Variants in KPNA1 observed in about 807,000 individuals in gnomAD.
KPNA1 encodes the protein importin subunit alpha-5.
KPNA1 carries 10 observed loss-of-function variants against 70.5 expected under a neutral mutation model. The ratio of observed to expected loss-of-function variants is 0.14; its 90% CI spans 0.09 to 0.24. The LOEUF (loss-of-function observed/expected upper bound fraction) is 0.24, where lower values mean the gene tolerates loss of function less well. KPNA1 is among the 10% of genes least tolerant of loss of function. The pLI, the probability that KPNA1 is intolerant of heterozygous loss-of-function variation, is 1.00. For synonymous variants in KPNA1, 192 were observed against 221.9 expected (o/e 0.87, Z 1.20); for missense variants, 397 against 637.9 (o/e 0.62, Z 4.07).
intron 2 of KPNA1, chr3:122,482,874 T>C (rs2076587057): frequency 2.6e-5 from 4 of 152,056 alleles, no homozygotes; most frequent in Admixed American, 2.6e-4. Flanking sequence ...CAGTAGCTGG[T>C]AGAGACTGGG....
chr3:122,505,295 A>T (rs987453795), intron 1 of KPNA1, among the ~76,000 whole-genome samples: 1 of 151,210 alleles, frequency 6.6e-6, no homozygotes, highest in Non-Finnish European at 1.5e-5. Context: ...AAAAAAAAAA[A>T]TCCAAGCAAA....
chr3:122,469,853 T>A (rs2107751989), intron 2 of KPNA1, among the ~76,000 whole-genome samples: 1 of 152,280 alleles, frequency 6.6e-6, no homozygotes, highest in East Asian at 1.9e-4. Flanking sequence ...CAGAAGAAAG[T>A]GAAGTGAAAT....
At chr3:122,491,203 T>C (rs1164648257) in intron 2 of KPNA1, among the ~76,000 whole-genome samples, 2 of 152,220 alleles carry the variant, frequency 1.3e-5, no homozygotes, top group East Asian at 1.9e-4. Context: ...TCCAAAATCA[T>C]ACCCAGTCAC....
rs901410041 is a variant in KPNA1 at position 122,424,212 on chromosome 3, T to C, written c.*2773A>G. On this transcript the variant is annotated 3_prime_UTR_variant, in exon 14 of 14. Transcript: ENST00000344337. ...ACAAAGTCACTTTCCCCAATCCATA[T>C]ATAAAACTACAAAAGAGTTTTCCTG... 1.3e-5 allele frequency: 2 copies of C among 152,206 alleles called. No homozygotes were observed. The highest frequency in any genetic ancestry group is 2.9e-5 in the Non-Finnish European group (2 of 68,022). The allele number at this position is 152,206 out of a possible 1,614,324, so 9.4% of individuals were successfully genotyped here.
intron 3 of KPNA1, among the ~76,000 whole-genome samples, chr3:122,465,202 CAGA>C (rs1270487929): frequency 5.3e-5 from 8 of 152,158 alleles, no homozygotes; most frequent in Admixed American, 2.6e-4. Context: ...TCCTCTTCCG[CAGA>C]AGGAGTTAGT....
rs1169127541 is a variant in KPNA1, at chr3:122,457,406, T to A, written c.433-3405A>T. On this transcript the variant is annotated intron_variant, in intron 5 of 13. Transcript: ENST00000344337. ...ATCATTAACCTGGGAAAAAAAAAAA[T>A]CTAAGAAATGGTATTGCCTGAAGTA... Among the ~76,000 whole-genome samples the A allele has an allele frequency of 3.3e-5, 5 of 151,278 alleles. No individual in the cohort carries two copies. In the East Asian group the frequency reaches 7.8e-4, roughly 24 times the overall value.
intron 5 of KPNA1, among the ~76,000 whole-genome samples, chr3:122,456,768 A>T (rs1277690586): frequency 6.6e-6 from 1 of 152,238 alleles, no homozygotes; most frequent in Non-Finnish European, 1.5e-5. Context: ...CAATGATGAT[A>T]ACCTCTCAAT....
chr3:122,499,859 A>G (rs986596310), intron 1 of KPNA1, among the ~76,000 whole-genome samples: 11 of 152,220 alleles, frequency 7.2e-5, no homozygotes, highest in Non-Finnish European at 1.2e-4. Flanking sequence ...TGAGTTGGAA[A>G]GTATTCCCCA....
intron 6 of KPNA1, among the ~76,000 whole-genome samples, chr3:122,452,307 A>G (rs1041465406): frequency 4.0e-5 from 6 of 151,808 alleles, no homozygotes; most frequent in African/African-American, 1.5e-4. Flanking sequence ...TCGCTCTGTC[A>G]CCCAGTATGG....
chr3:122,469,742 C>A (rs2076420915), intron 2 of KPNA1, among the ~76,000 whole-genome samples: 2 of 152,036 alleles, frequency 1.3e-5, no homozygotes, highest in Non-Finnish European at 2.9e-5. Flanking sequence ...CATTTTCAAA[C>A]AACAGAAAAT....
In KPNA1 at chr3:122,506,372, A is replaced by G. The variant is rs529543410; in HGVS notation, c.-6+8385T>C. ...AGTTATGAATTTAAATAAGTGGAGT[A>G]TAAGTATAAAGTGTTCAGTTCATTT... is the stretch of plus-strand genomic sequence containing the variant. On this transcript the variant is annotated intron_variant, in intron 1 of 13. Transcript: ENST00000344337. 1.3e-3 allele frequency among the ~76,000 whole-genome samples: 198 copies of G among 152,364 alleles called. 1 individual carries two copies. Among genetic ancestry groups the G allele is most frequent in the African/African-American group, 4.5e-3 (188 of 41,600 alleles).
intron 2 of KPNA1, among the ~76,000 whole-genome samples, chr3:122,495,409 T>C (rs2076748006): frequency 6.6e-6 from 1 of 152,030 alleles, no homozygotes; most frequent in Non-Finnish European, 1.5e-5. Flanking sequence ...GGTCAAGAAC[T>C]CATAACTTAA....
intron 10 of KPNA1, among the ~76,000 whole-genome samples, chr3:122,439,127 A>C (rs2076029408): frequency 6.6e-6 from 1 of 152,260 alleles, no homozygotes; most frequent in Non-Finnish European, 1.5e-5. Flanking sequence ...CACATAAGCT[A>C]GAAATGAAAA....
Position 122,426,249 on chromosome 3 carries a change from T to C in KPNA1, c.*736A>G, listed in dbSNP as rs528548197. 1.3e-5 allele frequency: 2 copies of C among 152,752 alleles called. No individual in the cohort carries two copies. Among genetic ancestry groups the C allele is most frequent in the African/African-American group, 4.8e-5 (2 of 41,572 alleles). 9.5% of individuals were successfully genotyped at this position (152,752 alleles called of 1,614,324 possible). A position where few individuals can be genotyped will look rare whatever the true frequency, so the allele number is the denominator to read the frequency against. On this transcript the variant is annotated 3_prime_UTR_variant, in exon 14 of 14. Coordinates refer to ENST00000344337, the MANE Select transcript of KPNA1 (RefSeq NM_002264.4). ...GAAGCAAAAGCGATACAAATTAATA[T>C]GTGCCCCTCTCCTTTCTGCTCTAAG... is the stretch of plus-strand genomic sequence containing the variant.
In KPNA1 at chr3:122,465,078, T is replaced by C. The variant is rs551289462; in HGVS notation, c.238-1037A>G. Among the ~76,000 whole-genome samples, 9 of 152,352 alleles carry C rather than the reference T, an allele frequency of 5.9e-5. No individual in the cohort carries two copies. In the South Asian group the frequency reaches 1.5e-3, roughly 25 times the overall value. On this transcript the variant is annotated intron_variant, in intron 3 of 13. Transcript: ENST00000344337. ...TTTTCTTCCCTCTCTCATCCTCTTA[T>C]AGCAAGCTGTACTGACTTTACATTA...
rs113796077 is a variant in KPNA1 at position 122,435,982 on chromosome 3, G to A, written c.1122+1188C>T. On this transcript the variant is annotated intron_variant, in intron 11 of 13. Transcript: ENST00000344337. ...AGGTCTGACTGCCTGAGAGCTAGGC[G>A]GAACAGAGCTATTATTTCTCTTCTT... is the stretch of plus-strand genomic sequence containing the variant. Among the ~76,000 whole-genome samples, 546 of 152,254 alleles carry A rather than the reference G, an allele frequency of 3.6e-3. 5 individuals are homozygous for A. The highest frequency in any genetic ancestry group is 0.012 in the African/African-American group (504 of 41,520).
intron 2 of KPNA1, among the ~76,000 whole-genome samples, chr3:122,467,848 A>G (rs2076398783): frequency 6.6e-6 from 1 of 152,210 alleles, no homozygotes; most frequent in Non-Finnish European, 1.5e-5. Flanking sequence ...CCTAATCTCC[A>G]AAGATGGTGG....
intron 2 of KPNA1, among the ~76,000 whole-genome samples, chr3:122,487,904 A>G: frequency 6.6e-6 from 1 of 152,224 alleles, no homozygotes; most frequent in Non-Finnish European, 1.5e-5. Flanking sequence ...AAATTTTTTC[A>G]CCAATTATTA....
intron 5 of KPNA1, among the ~76,000 whole-genome samples, chr3:122,455,564 T>G (rs909699694): frequency 5.3e-5 from 8 of 152,178 alleles, no homozygotes; most frequent in Non-Finnish European, 5.9e-5. Flanking sequence ...TTTCTTTTTT[T>G]TCTTTTTTGA....
Sources: allele counts gnomAD v4.1 joint callset (sites outside exome capture counted in the v4.1 genomes callset), GRCh38; gene constraint gnomAD v4.1.1; transcripts MANE v1.5; gene names NCBI Gene and HGNC (gene_info 2026-07-23, HGNC 2026-07-21).